The following HELQ variants were observed in gnomAD, a reference collection of about 807,000 sequenced individuals.
HELQ encodes helicase POLQ-like.
In HELQ, 77 loss-of-function variants were observed where a neutral mutation model predicts 111.6. The ratio of observed to expected loss-of-function variants is 0.69; its 90% CI spans 0.57 to 0.83. HELQ has a LOEUF of 0.83. Among genes scored for constraint, HELQ ranks in the 40% least tolerant of loss-of-function variants. HELQ has a pLI of 0.00. For missense variants in HELQ, 1,200 were observed against 1,288.5 expected (o/e 0.93, Z 1.05); for synonymous variants, 438 against 454.7 (o/e 0.96, Z 0.47).
At chr4:83,410,451 T>G (rs1332597617) in intron 17 of HELQ, among the ~76,000 whole-genome samples, 2 of 151,440 alleles carry the variant, frequency 1.3e-5, no homozygotes, top group African/African-American at 4.8e-5. Flanking sequence ...GAATGTTTGT[T>G]TTTTTTGGAG....
Position 83,432,886 on chromosome 4 carries a change from A to AAACAAC in HELQ, c.2049-625_2049-620dup, listed in dbSNP as rs1057210115. On this transcript the variant is annotated intron_variant, in intron 9 of 17. Transcript: ENST00000295488. Reference sequence around the variant, plus strand: ...ATATAGTGAGATGCAGTCTCTACAAAAACAACAACAACAACAACAAAAAAC... The same window carrying AAACAAC: ...ATATAGTGAGATGCAGTCTCTACAAAAACAACAACAACAACAACAACAACAAAAAAC... Among the ~76,000 whole-genome samples, 13 of 151,846 alleles carry AAACAAC rather than the reference A, an allele frequency of 8.6e-5. No individual in the cohort carries two copies. In the East Asian group the frequency reaches 2.5e-3, roughly 29 times the overall value.
At chr4:83,413,265 GA>G (rs1464702315) in intron 17 of HELQ, among the ~76,000 whole-genome samples, 3 of 152,192 alleles carry the variant, frequency 2.0e-5, no homozygotes, top group African/African-American at 7.2e-5. Flanking sequence ...GAATTGGTAA[GA>G]AGTTTTAGAA....
intron 16 of HELQ, among the ~76,000 whole-genome samples, chr4:83,417,827 A>T (rs1004384938): frequency 1.2e-4 from 18 of 152,144 alleles, no homozygotes; most frequent in Non-Finnish European, 2.5e-4. Flanking sequence ...CCGGTAGCAC[A>T]ACATACTTGG....
chr4:83,445,460 T>C (rs999266147), intron 5 of HELQ, among the ~76,000 whole-genome samples: 1 of 152,230 alleles, frequency 6.6e-6, no homozygotes, highest in African/African-American at 2.4e-5. Flanking sequence ...AATATTGCAA[T>C]AGCATATCAA....
chr4:83,429,920 A>T (rs1252275998), intron 11 of HELQ, among the ~76,000 whole-genome samples, 174 bp from the exon 12 acceptor site: 3 of 152,174 alleles, frequency 2.0e-5, no homozygotes, highest in African/African-American at 7.2e-5. Flanking sequence ...AAATTAACAA[A>T]AAATTTAGGG....
chr4:83,449,778 G>C (rs1215159405), intron 2 of HELQ, among the ~76,000 whole-genome samples: 1 of 151,830 alleles, frequency 6.6e-6, no homozygotes, highest in East Asian at 1.9e-4. Context: ...CAGCAGAAAT[G>C]CAAATGGCCA....
intron 17 of HELQ, among the ~76,000 whole-genome samples, chr4:83,414,232 T>C (rs1025651821): frequency 6.6e-6 from 1 of 152,148 alleles, no homozygotes; most frequent in African/African-American, 2.4e-5. Flanking sequence ...AGTTCAACAG[T>C]ACATTGTAGG....
chr4:83,429,742 G>A lies in HELQ; in HGVS notation c.2300C>T (p.Ala767Val), dbSNP rs757687904. The change falls in exon 12 of 18, where the codon GCA becomes GTA. Residue 767 changes from alanine (A) to valine (V), a missense_variant. By Grantham distance (64) the Ala-to-Val change is moderately conservative (BLOSUM62 0). Around this residue, in one of 3 missense-constraint regions of HELQ, gnomAD observed 585 missense variants for 665.3 expected, o/e 0.88. Coordinates refer to ENST00000295488, the MANE Select transcript of HELQ (RefSeq NM_133636.5). Reference protein sequence around the residue: ...LFLSLIGLKIATNLDDIYHFM... With the variant: ...LFLSLIGLKIVTNLDDIYHFM... ...ATGATAGATGTCATCAAGATTCGTT[G>A]CAATCTGAAACAATTCAGGATATCA... 3.4e-5 allele frequency: 54 copies of A among 1,605,188 alleles called. No individual in the cohort carries two copies. The South Asian group carries it at 3.7e-4, about 11-fold the overall frequency.
chr4:83,443,153 AT>A (rs1033158188), intron 6 of HELQ, among the ~76,000 whole-genome samples: 2 of 152,054 alleles, frequency 1.3e-5, no homozygotes, highest in African/African-American at 4.8e-5. Context: ...TTTAAGATAT[AT>A]TTTTTAATGT....
At chr4:83,432,612 T>C (rs769223236) in intron 9 of HELQ, among the ~76,000 whole-genome samples, 1 of 152,338 alleles carries the variant, frequency 6.6e-6, no homozygotes, top group East Asian at 1.9e-4. Flanking sequence ...TCTGTAGCAG[T>C]AGTCTCCAAA....
rs1721038397 is a variant in HELQ at position 83,446,193 on chromosome 4, CTT to C, written c.1393-109_1393-108del. On this transcript the variant is annotated intron_variant, in intron 4 of 17. Transcript: ENST00000295488. ...TTTGTTTGTAAAGAGTTGCTTATAACTTTTAAGTATTTTGAATATAACAACTA... is the reference window on the plus strand; with the variant it reads ...TTTGTTTGTAAAGAGTTGCTTATAACTTAAGTATTTTGAATATAACAACTA... 6.7e-6 allele frequency: 5 copies of C among 745,962 alleles called. 1 individual carries two copies. In the South Asian group the frequency reaches 7.9e-5, roughly 12 times the overall value. The allele number at this position is 745,962 out of a possible 1,614,324, so 46.2% of individuals were successfully genotyped here. A position where few individuals can be genotyped will look rare whatever the true frequency, so the allele number is the denominator to read the frequency against.
chr4:83,440,902 C>T (rs2868780), intron 7 of HELQ, among the ~76,000 whole-genome samples: 10,520 of 152,216 alleles, frequency 0.069, 1,232 homozygotes, highest in African/African-American at 0.24. Flanking sequence ...TAATACACAT[C>T]AGTTGAGTGA....
At chr4:83,414,921 G>A (rs898664692) in intron 17 of HELQ, among the ~76,000 whole-genome samples, 7 of 151,902 alleles carry the variant, frequency 4.6e-5, no homozygotes, top group Non-Finnish European at 8.8e-5. Context: ...CTAATTTAAC[G>A]GGACAAGGTC....
Position 83,453,527 on chromosome 4 carries a change from C to T in HELQ, c.716G>A (p.Cys239Tyr). 6.2e-7 allele frequency: 1 copy of T among 1,613,764 alleles called. No individual in the cohort carries two copies. The change falls in exon 2 of 18, where the codon TGC (cysteine) becomes TAC (tyrosine). Residue 239 changes from cysteine to tyrosine, a missense_variant. By Grantham distance (194) the Cys-to-Tyr change is radical (BLOSUM62 -2). Coordinates refer to ENST00000295488, the MANE Select transcript of HELQ (RefSeq NM_133636.5). ...ATCATTTTGCTGGGGTTGCTCTATG[C>T]AATTATGGGGCAGTTCCTCATTCAC... is the stretch of plus-strand genomic sequence containing the variant. Reference protein sequence around the residue: ...NTVNEELPHNCIEQPQQNDES... With the variant: ...NTVNEELPHNYIEQPQQNDES...
chr4:83,443,276 C>T (rs562804463), intron 6 of HELQ, among the ~76,000 whole-genome samples: 37 of 152,156 alleles, frequency 2.4e-4, no homozygotes, highest in African/African-American at 5.3e-4. Flanking sequence ...ATTCAATGAA[C>T]GTTCATTGAC....
chr4:83,421,449 A>G, intron 15 of HELQ, 114 bp downstream of exon 15: 1 of 732,740 alleles, frequency 1.4e-6, no homozygotes, highest in East Asian at 2.7e-5. Flanking sequence ...CTGTAATAAC[A>G]GAATATGTCA....
At chr4:83,432,460 G>A (rs936580436) in intron 9 of HELQ, among the ~76,000 whole-genome samples, 193 bp from the exon 10 acceptor site, 1 of 151,856 alleles carries the variant, frequency 6.6e-6, no homozygotes, top group Admixed American at 6.6e-5. Flanking sequence ...AAAACTCTTA[G>A]TTATAATATA....
chr4:83,455,338 T>C (rs1197397187), intron 1 of HELQ, 59 bp downstream of exon 1: 1 of 1,580,240 alleles, frequency 6.3e-7, no homozygotes, highest in Non-Finnish European at 8.6e-7. Context: ...ACTGGTCAAC[T>C]CTTTGCATCT....
intron 12 of HELQ, among the ~76,000 whole-genome samples, chr4:83,428,493 G>A (rs1350700569): frequency 6.6e-6 from 1 of 152,100 alleles, no homozygotes; most frequent in Non-Finnish European, 1.5e-5. Context: ...CCCAGGAGAC[G>A]AAGGTTGCAG....
Sources: allele counts gnomAD v4.1 joint callset (sites outside exome capture counted in the v4.1 genomes callset), GRCh38; gene constraint gnomAD v4.1.1; regional missense constraint gnomAD v4.1.1; transcripts MANE v1.5; gene names NCBI Gene and HGNC (gene_info 2026-07-23, HGNC 2026-07-21).